The following RIPPLY3 variants were observed in gnomAD, a reference collection of about 807,000 sequenced individuals.
The protein encoded by RIPPLY3 is ripply transcriptional repressor 3.
In RIPPLY3, 8 loss-of-function variants were observed where a neutral mutation model predicts 11.9. The observed-to-expected ratio is 0.67, with a 90% CI of 0.40 to 1.21. The LOEUF (loss-of-function observed/expected upper bound fraction) is 1.21, where lower values mean the gene tolerates loss of function less well. RIPPLY3 is among the 50% of genes most tolerant of loss of function. RIPPLY3 has a pLI of 0.01. For synonymous variants in RIPPLY3, 102 were observed against 99.0 expected, an observed-to-expected ratio of 1.03 and a Z score of -0.18; for missense variants, 271 against 246.0, an observed-to-expected ratio of 1.10 and a Z score of -0.68.
At chr21:37,006,691 T>C, upstream of RIPPLY3, 2 of 861,522 alleles carry the variant, frequency 2.3e-6, no homozygotes, top group South Asian at 1.2e-4. The surrounding 1 kb of genome is among the most constrained non-coding windows in gnomAD (Gnocchi z 5.2). Context: ...GGCGCGCGGG[T>C]AGGTGAGCGC....
intron 2 of RIPPLY3, among the ~76,000 whole-genome samples, 176 bp downstream of exon 2, chr21:37,008,399 T>C (rs1429843306): frequency 6.6e-6 from 1 of 152,164 alleles, no homozygotes; most frequent in Non-Finnish European, 1.5e-5. Flanking sequence ...TAATCAGACC[T>C]GACTCGCATT....
rs895853940 is a variant in RIPPLY3, at chr21:37,007,400, CTTTTTTTTTTTT to C, written c.104+539_104+550del. On this transcript the variant is annotated intron_variant, in intron 1 of 3. Coordinates refer to ENST00000329553, the MANE Select transcript of RIPPLY3 (RefSeq NM_018962.3). Reference sequence around the variant, plus strand: ...TAGCCAGGCAGGAGAAAGATTCCCTCTTTTTTTTTTTTTTTTTTTTTTTTTTGAGACAGGGTC... The same window carrying C: ...TAGCCAGGCAGGAGAAAGATTCCCTCTTTTTTTTTTTTTTGAGACAGGGTC... Among the ~76,000 whole-genome samples, 37 of 86,296 alleles carry C rather than the reference CTTTTTTTTTTTT, an allele frequency of 4.3e-4. No individual in the cohort carries two copies. The South Asian group carries it at 0.017, about 40-fold the overall frequency. The allele number at this position is 86,296 out of a possible 152,430, so 56.6% of individuals were successfully genotyped here.
intron 3 of RIPPLY3, among the ~76,000 whole-genome samples, chr21:37,016,534 TAATG>T (rs2069580830): frequency 6.6e-6 from 1 of 151,932 alleles, no homozygotes; most frequent in South Asian, 2.1e-4. Flanking sequence ...GCAAATAAGT[TAATG>T]AATGAAAAGC....
In RIPPLY3 at chr21:37,006,926, G is replaced by A; in HGVS notation, c.104+50G>A. On this transcript the variant is annotated intron_variant, in intron 1 of 3. Coordinates refer to ENST00000329553, the MANE Select transcript of RIPPLY3 (RefSeq NM_018962.3). This position sits in a 1 kb window ranked among gnomAD's most constrained non-coding sequence, Gnocchi z 5.2. ...GGACGCGCTGAGAGGCGTGCGCGGT[G>A]GCGGTGCGGGGAGCGCAGCGAGCGG... The A allele has an allele frequency of 9.4e-7, 1 of 1,060,860 alleles. No homozygotes were observed. The highest frequency in any genetic ancestry group is 3.4e-5 in the East Asian group (1 of 29,354). 65.7% of individuals were successfully genotyped at this position (1,060,860 alleles called of 1,614,324 possible).
Position 37,006,731 on chromosome 21 carries a change from T to C in RIPPLY3, c.-42T>C, listed in dbSNP as rs2069467528. 1.7e-6 allele frequency: 2 copies of C among 1,183,860 alleles called. No homozygotes were observed. Among genetic ancestry groups the C allele is most frequent in the Non-Finnish European group, 2.1e-6 (2 of 946,226 alleles). 73.3% of individuals were successfully genotyped at this position (1,183,860 alleles called of 1,614,324 possible). A position where few individuals can be genotyped will look rare whatever the true frequency, so the allele number is the denominator to read the frequency against. ...GCCCGAGTGGATCTAGGCGCGCTCG[T>C]AGGCCGGCGCCGCAGCAAGGGGCGC... On this transcript the variant is annotated 5_prime_UTR_variant, in exon 1 of 4. Transcript: ENST00000329553. The surrounding 1 kb of genome is among the most constrained non-coding windows in gnomAD (Gnocchi z 5.2).
chr21:37,009,647 G>A (rs1235619851), intron 2 of RIPPLY3, among the ~76,000 whole-genome samples: 1 of 152,190 alleles, frequency 6.6e-6, no homozygotes, highest in Non-Finnish European at 1.5e-5. Context: ...AATGGATGTG[G>A]AGCCTATCAG....
At chr21:37,017,771 G>A in intron 3 of RIPPLY3, 103 bp from the exon 4 acceptor site, 1 of 899,996 alleles carries the variant, frequency 1.1e-6, no homozygotes, top group Non-Finnish European at 1.7e-6. Flanking sequence ...AGACCAGAAA[G>A]GAAGACTGGG....
chr21:37,009,479 TAAC>T (rs1310657240), intron 2 of RIPPLY3, among the ~76,000 whole-genome samples: 1 of 152,242 alleles, frequency 6.6e-6, no homozygotes, highest in East Asian at 1.9e-4. Context: ...ATAAATCAAT[TAAC>T]AAGAGATGAT....
At chr21:37,014,044 G>A (rs117907272) in intron 3 of RIPPLY3, among the ~76,000 whole-genome samples, 1,901 of 152,254 alleles carry the variant, frequency 0.012, 35 homozygotes, top group East Asian at 0.074. Context: ...GGGTGGACAT[G>A]GTGGCTCATG....
At chr21:37,015,937 C>T (rs911468569) in intron 3 of RIPPLY3, among the ~76,000 whole-genome samples, 1 of 147,792 alleles carries the variant, frequency 6.8e-6, no homozygotes, top group Admixed American at 6.9e-5. Flanking sequence ...TGGTCTCAAA[C>T]TCCTGGGCTC....
At chr21:37,006,464 C>A, upstream of RIPPLY3, 1 of 263,382 alleles carries the variant, frequency 3.8e-6, no homozygotes. The surrounding 1 kb of genome is among the most constrained non-coding windows in gnomAD (Gnocchi z 5.2). Context: ...CCGGACCCCC[C>A]TCCTTGACAC....
intron 2 of RIPPLY3, among the ~76,000 whole-genome samples, chr21:37,012,211 A>ATTTTTTATT (rs72442181): frequency 1.1e-5 from 1 of 95,052 alleles, no homozygotes; most frequent in Non-Finnish European, 1.9e-5. Context: ...TCCGCTCCTT[A>ATTTTTTATT]TTTATTATTA....
chr21:37,008,083 A>G lies in RIPPLY3; in HGVS notation c.105-74A>G. On this transcript the variant is annotated intron_variant, in intron 1 of 3. Coordinates refer to ENST00000329553, the MANE Select transcript of RIPPLY3 (RefSeq NM_018962.3). ...TTTCAGGCAGACACTGGAACTAAGA[A>G]TAGCTCTCATGGCATAGTTTGAAGG... 3 of 1,511,492 alleles carry G rather than the reference A, an allele frequency of 2.0e-6. No individual in the cohort carries two copies. The African/African-American group carries it at 4.1e-5, about 21-fold the overall frequency. The allele number at this position is 1,511,492 out of a possible 1,614,324, so 93.6% of individuals were successfully genotyped here. A position where few individuals can be genotyped will look rare whatever the true frequency, so the allele number is the denominator to read the frequency against.
intron 2 of RIPPLY3, among the ~76,000 whole-genome samples, chr21:37,009,882 C>T (rs544635780): frequency 1.4e-5 from 2 of 142,638 alleles, no homozygotes; most frequent in African/African-American, 5.1e-5. Flanking sequence ...GCTGTAGAGC[C>T]CGCCAATCCT....
At chr21:37,010,809 T>C (rs931107982) in intron 2 of RIPPLY3, among the ~76,000 whole-genome samples, 9 of 152,132 alleles carry the variant, frequency 5.9e-5, no homozygotes, top group African/African-American at 2.2e-4. Flanking sequence ...TGACCCCCAC[T>C]GAAAGCCTCT....
intron 2 of RIPPLY3, among the ~76,000 whole-genome samples, chr21:37,008,756 C>CAAAAA (rs71198845): frequency 2.4e-4 from 20 of 81,648 alleles, no homozygotes; most frequent in African/African-American, 7.4e-4. Context: ...AGACTCATCT[C>CAAAAA]AAAAAAAAAA....
rs1485754687 is a variant in RIPPLY3, at chr21:37,017,983, A to G, written c.349A>G (p.Thr117Ala). Reference protein sequence around the residue: ...ATIDFYDDESTESASEAEEPE... With the variant: ...ATIDFYDDESAESASEAEEPE... The stretch of plus-strand genomic sequence containing the variant: ...GATTGACTTCTACGACGATGAGTCT[A>G]CTGAGTCTGCTTCCGAAGCTGAAGA... The change falls in exon 4 of 4, where the codon ACT becomes GCT. Residue 117 changes from threonine (T) to alanine (A), a missense_variant. By Grantham distance (58) the Thr-to-Ala change is moderately conservative. Transcript: ENST00000329553. The G allele has an allele frequency of 6.2e-7, 1 of 1,614,142 alleles. No homozygotes were observed. The highest frequency in any genetic ancestry group is 1.3e-5 in the African/African-American group (1 of 75,030).
In RIPPLY3 at chr21:37,017,903, A is replaced by G. The variant is rs1163680078; in HGVS notation, c.269A>G (p.Glu90Gly). 1.6e-5 allele frequency: 26 copies of G among 1,613,616 alleles called. No homozygotes were observed. Among genetic ancestry groups the G allele is most frequent in the Non-Finnish European group, 2.0e-5 (24 of 1,179,848 alleles). ...RVYLPMSKRQ[E>G]YLRSSGEQVL... ...TATTTACCCATGTCAAAGCGTCAAGAATACCTGCGGAGTTCCGGGGAGCAA... is the reference window on the plus strand; with the variant it reads ...TATTTACCCATGTCAAAGCGTCAAGGATACCTGCGGAGTTCCGGGGAGCAA... The change falls in exon 4 of 4, where the codon GAA (glutamate) becomes GGA (glycine). Residue 90 changes from glutamate to glycine, a missense_variant. Glu to Gly is a moderately conservative substitution (Grantham distance 98). Transcript: ENST00000329553.
chr21:37,019,560 C>T lies in RIPPLY3; in HGVS notation c.*1353C>T, dbSNP rs139488915. On this transcript the variant is annotated 3_prime_UTR_variant, in exon 4 of 4. Coordinates refer to ENST00000329553, the MANE Select transcript of RIPPLY3 (RefSeq NM_018962.3). ...TTTGAGTTTTTAATATTTTGATAAA[C>T]GTGTATTCCTGAAACTTTTTGACTT... The T allele has an allele frequency of 5.3e-5, 8 of 152,014 alleles. No homozygotes were observed. The East Asian group carries it at 1.4e-3, about 26-fold the overall frequency. The allele number at this position is 152,014 out of a possible 1,614,324, so 9.4% of individuals were successfully genotyped here.
Sources: allele counts gnomAD v4.1 joint callset (sites outside exome capture counted in the v4.1 genomes callset), GRCh38; gene constraint gnomAD v4.1.1; non-coding constraint Gnocchi (gnomAD v3.1); transcripts MANE v1.5; gene names NCBI Gene and HGNC (gene_info 2026-07-23, HGNC 2026-07-21).